The following PLEKHA5 variants were observed in gnomAD, a reference collection of about 807,000 sequenced individuals.
The protein encoded by PLEKHA5 is pleckstrin homology domain containing A5, also known as pleckstrin homology domain-containing family A member 5.
A neutral mutation model predicts 181.9 loss-of-function variants in PLEKHA5; 55 were observed. The observed-to-expected ratio is 0.30, with a 90% confidence interval of 0.24 to 0.38. The LOEUF is 0.38. Among genes scored for constraint, PLEKHA5 ranks in the 10% least tolerant of loss-of-function variants. PLEKHA5 has a pLI of 1.00. For synonymous variants in PLEKHA5, 535 were observed against 529.4 expected (o/e 1.01, Z -0.15); for missense variants, 1,432 against 1,549.5 (o/e 0.92, Z 1.27).
chr12:19,181,871 A>G (rs906441254), intron 3 of PLEKHA5, among the ~76,000 whole-genome samples: 2 of 152,174 alleles, frequency 1.3e-5, no homozygotes, highest in Non-Finnish European at 2.9e-5. Context: ...GATTGGGACA[A>G]TTTGTATTCA....
At chr12:19,209,848 AAGTT>A (rs1200416910) in intron 3 of PLEKHA5, among the ~76,000 whole-genome samples, 1 of 152,170 alleles carries the variant, frequency 6.6e-6, no homozygotes, top group Non-Finnish European at 1.5e-5. Flanking sequence ...AGTTTTGAGA[AAGTT>A]AGTCAAAGCT....
intron 6 of PLEKHA5, 54 bp from the exon 7 acceptor site, chr12:19,260,895 A>G (rs2068293832): frequency 2.0e-6 from 2 of 991,110 alleles, no homozygotes; most frequent in African/African-American, 3.2e-5. Flanking sequence ...ATAAATGCAC[A>G]TGTGAGTTTT....
Position 19,314,883 on chromosome 12 carries a change from C to T in PLEKHA5, c.2107C>T (p.Leu703=). 4 of 1,534,836 alleles carry T rather than the reference C, an allele frequency of 2.6e-6. No homozygotes were observed. The highest frequency in any genetic ancestry group is 3.5e-6 in the Non-Finnish European group (4 of 1,131,602). Residue 703 remains leucine (L), a synonymous_variant, in exon 16 of 32, where the codon CTG becomes TTG. Transcript: ENST00000429027. The part of the protein sequence containing the change: ...MIENSALRPQ[L]YQQFLRQKSK... ...TGAGAACTCGGCGCTAAGACCCCAA[C>T]TGTACCAGCAAGTAAGGTCTTGGAC...
chr12:19,231,612 A>ATATTTATATATTTAC (rs1424318753), intron 3 of PLEKHA5, among the ~76,000 whole-genome samples: 2 of 147,368 alleles, frequency 1.4e-5, no homozygotes, highest in African/African-American at 4.9e-5. Flanking sequence ...ATATATATAT[A>ATATTTATATATTTAC]AATACTCATA....
chr12:19,177,845 G>A (rs1419742290), intron 3 of PLEKHA5, among the ~76,000 whole-genome samples: 1 of 152,140 alleles, frequency 6.6e-6, no homozygotes, highest in Admixed American at 6.5e-5. Context: ...TACTTGATTT[G>A]GCTTTCTAGT....
At chr12:19,330,800 C>T (rs187982772) in intron 20 of PLEKHA5, among the ~76,000 whole-genome samples, 24 of 152,062 alleles carry the variant, frequency 1.6e-4, no homozygotes, top group African/African-American at 5.1e-4. Flanking sequence ...GCCTGATCCT[C>T]GAAATATACC....
intron 20 of PLEKHA5, among the ~76,000 whole-genome samples, chr12:19,328,600 T>C (rs1340253902): frequency 7.6e-6 from 1 of 130,958 alleles, no homozygotes; most frequent in Non-Finnish European, 1.7e-5. Flanking sequence ...TGTGTGTGTA[T>C]TGTAAATGGA....
chr12:19,193,450 A>G (rs555774797), intron 3 of PLEKHA5, among the ~76,000 whole-genome samples: 2 of 152,320 alleles, frequency 1.3e-5, no homozygotes, highest in African/African-American at 2.4e-5. Context: ...AAAGTTAGAT[A>G]TGAATTTTAT....
chr12:19,231,774 A>T (rs527472983), intron 3 of PLEKHA5, among the ~76,000 whole-genome samples: 1 of 151,838 alleles, frequency 6.6e-6, no homozygotes, highest in African/African-American at 2.4e-5. Context: ...TATATATTTA[A>T]TTATAAAATC....
At chr12:19,188,949 T>G (rs2050451004) in intron 3 of PLEKHA5, among the ~76,000 whole-genome samples, 4 of 152,154 alleles carry the variant, frequency 2.6e-5, no homozygotes, top group Admixed American at 1.3e-4. Flanking sequence ...GGGGTTACAG[T>G]GATGAATAAA....
chr12:19,170,505 A>C (rs1339652725), intron 3 of PLEKHA5, among the ~76,000 whole-genome samples: 2 of 151,644 alleles, frequency 1.3e-5, no homozygotes, highest in East Asian at 3.9e-4. Context: ...CCACTCCTGC[A>C]ACCTCTGCCT....
At chr12:19,283,197 G>A (rs80042116) in intron 11 of PLEKHA5, 83 bp from the exon 12 acceptor site, 2 of 690,242 alleles carry the variant, frequency 2.9e-6, no homozygotes, top group South Asian at 2.3e-5. Context: ...TTTACTTACT[G>A]GAACAAAAGA....
chr12:19,275,374 A>C (rs1351544202), intron 11 of PLEKHA5, among the ~76,000 whole-genome samples: 1 of 152,078 alleles, frequency 6.6e-6, no homozygotes, highest in African/African-American at 2.4e-5. Context: ...CAATGCAAGG[A>C]TCTCCTGAGA....
chr12:19,151,947 A>G (rs1459110654), intron 3 of PLEKHA5: 1 of 150,108 alleles, frequency 6.7e-6, no homozygotes, highest in Non-Finnish European at 1.5e-5. Context: ...GCTCACTGCA[A>G]GCTCCACCTC....
rs2093435158 is a variant in PLEKHA5, at chr12:19,336,498, A to G, written c.2449-17A>G. On this transcript the variant is annotated splice_polypyrimidine_tract_variant and intron_variant, in intron 20 of 31. Coordinates refer to ENST00000429027, the MANE Select transcript of PLEKHA5 (RefSeq NM_001256470.2). ...CACATTTTCCCCATTAAAGTAATTA[A>G]CACTTTTTGGTTTTAGGAATTGGAA... 1 of 1,324,640 alleles carries G rather than the reference A, an allele frequency of 7.5e-7. No homozygotes were observed. The highest frequency in any genetic ancestry group is 1.4e-5 in the African/African-American group (1 of 69,026). 82.1% of individuals were successfully genotyped at this position (1,324,640 alleles called of 1,614,324 possible).
chr12:19,217,646 G>A (rs78636297), intron 3 of PLEKHA5, among the ~76,000 whole-genome samples: 1,991 of 152,212 alleles, frequency 0.013, 11 homozygotes, highest in Middle Eastern at 0.041. Flanking sequence ...TCAGTGCTGC[G>A]GAAGCCAAGA....
intron 7 of PLEKHA5, among the ~76,000 whole-genome samples, chr12:19,262,081 T>C (rs909782013): frequency 1.3e-5 from 2 of 152,208 alleles, no homozygotes. Flanking sequence ...TTTCTCACTC[T>C]TTCAGAAAGT....
At chr12:19,318,366 C>T (rs191151072) in intron 16 of PLEKHA5, among the ~76,000 whole-genome samples, 21 of 152,094 alleles carry the variant, frequency 1.4e-4, no homozygotes, top group African/African-American at 4.3e-4. Context: ...GTTGTAACTA[C>T]AGTAGACATT....
chr12:19,183,475 A>G (rs2049069953), intron 3 of PLEKHA5, among the ~76,000 whole-genome samples: 1 of 152,204 alleles, frequency 6.6e-6, no homozygotes, highest in Admixed American at 6.5e-5. Flanking sequence ...AAAATGTAGA[A>G]TATTAAGTAG....
Sources: allele counts gnomAD v4.1 joint callset (sites outside exome capture counted in the v4.1 genomes callset), GRCh38; gene constraint gnomAD v4.1.1; transcripts MANE v1.5; gene names NCBI Gene and HGNC (gene_info 2026-07-23, HGNC 2026-07-21).